CTR9: variants seen among roughly 807,000 people sequenced by gnomAD.
CTR9 encodes RNA polymerase-associated protein CTR9 homolog.
Under a neutral mutation model 152.1 loss-of-function variants are expected in CTR9, and 41 were observed. The observed-to-expected ratio is 0.27, with a 90% CI of 0.21 to 0.35. The LOEUF (loss-of-function observed/expected upper bound fraction) is 0.35, where lower values mean the gene tolerates loss of function less well. Among genes scored for constraint, CTR9 ranks in the 10% least tolerant of loss-of-function variants. The probability of loss-of-function intolerance (pLI) is 1.00; values close to 1 mark genes in which losing one functional copy is unlikely to be tolerated. For synonymous variants in CTR9, 476 were observed against 496.2 expected (o/e 0.96, Z 0.54); for missense variants, 917 against 1,424.4 (o/e 0.64, Z 5.73).
chr11:10,773,541 T>G (rs1863177362), intron 21 of CTR9, among the ~76,000 whole-genome samples: 1 of 151,980 alleles, frequency 6.6e-6, no homozygotes, highest in Admixed American at 6.5e-5. Flanking sequence ...TCGTCTCAAT[T>G]AGAAGTCTAA....
In CTR9 at chr11:10,766,386, T is replaced by C. The variant is rs1448264407; in HGVS notation, c.1598-16T>C. The C allele has an allele frequency of 3.8e-6, 6 of 1,585,344 alleles. No individual in the cohort carries two copies. Among genetic ancestry groups the C allele is most frequent in the African/African-American group, 1.4e-5 (1 of 73,404 alleles). ...GCTAATATTTGGGATATAAAAACTT[T>C]TAAATATGTTTTCAGGCTATTTGCG... On this transcript the variant is annotated splice_polypyrimidine_tract_variant and intron_variant, in intron 12 of 24. Transcript: ENST00000361367.
Position 10,775,533 on chromosome 11 carries a change from C to A in CTR9, c.2995C>A (p.Arg999Ser). Residue 999 changes from arginine to serine, a missense_variant, in exon 24 of 25, where the codon CGT becomes AGT. Physicochemically the swap from Arg to Ser is moderately radical, Grantham distance 110 (BLOSUM62 -1). Transcript: ENST00000361367. ...TGACATTCTTTAGCCCAAGCCAGAA[C>A]GTCTGCCTCCATCAATGAAGGGAAA... Reference protein sequence around the residue: ...AEKKKAPKPERLPPSMKGKIK... With the variant: ...AEKKKAPKPESLPPSMKGKIK... 1.9e-6 allele frequency: 3 copies of A among 1,612,712 alleles called. No individual in the cohort carries two copies. The highest frequency in any genetic ancestry group is 2.5e-6 in the Non-Finnish European group (3 of 1,178,938).
chr11:10,760,154 G>C lies in CTR9; in HGVS notation c.593-19G>C. The C allele has an allele frequency of 6.2e-7, 1 of 1,610,344 alleles. No homozygotes were observed. The highest frequency in any genetic ancestry group is 8.5e-7 in the Non-Finnish European group (1 of 1,177,270). On this transcript the variant is annotated intron_variant, in intron 5 of 24. Transcript: ENST00000361367. ...AAAAAATGCCCTAGTTTGATAGATT[G>C]AATGACTTCATTTTATAGCGGAAGT... is the stretch of plus-strand genomic sequence containing the variant.
chr11:10,768,467 G>A lies in CTR9; in HGVS notation c.2085G>A (p.Lys695=), dbSNP rs143726355. The change falls in exon 16 of 25, where the codon AAG becomes AAA. Residue 695 remains lysine, a synonymous_variant. Coordinates refer to ENST00000361367, the MANE Select transcript of CTR9 (RefSeq NM_014633.5). The part of the protein sequence containing the change: ...LNLAHIYVEQ[K]QYISAVQMYE... ...TAGCACACATCTATGTGGAGCAAAA[G>A]CAGTACATCAGCGCCGTTCAGATGG... 170 of 1,611,938 alleles carry A rather than the reference G, an allele frequency of 1.1e-4. 2 individuals carry two copies. In the South Asian group the frequency reaches 1.5e-3, roughly 14 times the overall value.
At chr11:10,751,737 A>G (rs1269068245) in intron 1 of CTR9, among the ~76,000 whole-genome samples, 1 of 152,082 alleles carries the variant, frequency 6.6e-6, no homozygotes, top group Non-Finnish European at 1.5e-5. Flanking sequence ...TTTCCTAACC[A>G]ACCCACGGGA....
At chr11:10,763,379 A>G (rs1378303220) in intron 7 of CTR9, 52 bp from the exon 8 acceptor site, 4 of 1,210,238 alleles carry the variant, frequency 3.3e-6, no homozygotes, top group African/African-American at 1.5e-5. Context: ...TAAAACAGCT[A>G]TGCAAGCTAG....
rs1240013116 is a variant in CTR9, at chr11:10,770,482, C to T, written c.2227-5C>T. 1.9e-6 allele frequency: 3 copies of T among 1,603,850 alleles called. No individual in the cohort carries two copies. In the East Asian group the frequency reaches 6.7e-5, roughly 36 times the overall value. ...ACATATGAAATATTTATTTTTTATTCACAGGCTAGACATGTGGCACCCAGT... is the reference window on the plus strand; with the variant it reads ...ACATATGAAATATTTATTTTTTATTTACAGGCTAGACATGTGGCACCCAGT... On this transcript the variant is annotated splice_polypyrimidine_tract_variant and splice_region_variant and intron_variant, in intron 17 of 24. Transcript: ENST00000361367.
At position 10,755,743 on chromosome 11, in the gene CTR9, A is replaced by G. The variant is rs760627904; in HGVS notation, c.450A>G (p.Ala150=). 5 of 1,613,572 alleles carry G rather than the reference A, an allele frequency of 3.1e-6. No individual in the cohort carries two copies. The highest frequency in any genetic ancestry group is 4.2e-6 in the Non-Finnish European group (5 of 1,179,752). The part of the protein sequence containing the change: ...LEGDKMDQAD[A]QFHFVLNQSP... The stretch of plus-strand genomic sequence containing the variant: ...GTGACAAAATGGATCAAGCTGATGC[A>G]CAGTTTCATTTTGTACTCAATCAGT... Residue 150 remains alanine, a synonymous_variant, in exon 4 of 25, where the codon GCA becomes GCG. Transcript: ENST00000361367.
At chr11:10,769,927 G>A (rs755496998) in intron 16 of CTR9, among the ~76,000 whole-genome samples, 1 of 152,168 alleles carries the variant, frequency 6.6e-6, no homozygotes, top group Non-Finnish European at 1.5e-5. Context: ...TATGAAAAAG[G>A]CTTTCCAGTC....
At chr11:10,760,976 C>T (rs1415857562) in intron 6 of CTR9, among the ~76,000 whole-genome samples, 1 of 152,156 alleles carries the variant, frequency 6.6e-6, no homozygotes, top group African/African-American at 2.4e-5. Context: ...CTTAGAGAAG[C>T]CCTGTCTTAT....
At position 10,768,071 on chromosome 11, in the gene CTR9, T is replaced by C. The variant is rs559712136; in HGVS notation, c.1873-3T>C. On this transcript the variant is annotated splice_region_variant and splice_polypyrimidine_tract_variant and intron_variant, in intron 14 of 24. Coordinates refer to ENST00000361367, the MANE Select transcript of CTR9 (RefSeq NM_014633.5). ...TCTTTTTTAAGAGCACTTGTTTCTA[T>C]AGGAAAAGCGTCATCAAGATCGTGC... The C allele has an allele frequency of 1.4e-5, 23 of 1,613,936 alleles. No individual in the cohort carries two copies. The South Asian group carries it at 2.5e-4, about 18-fold the overall frequency.
At chr11:10,777,231 G>A (rs1863254306) in intron 24 of CTR9, among the ~76,000 whole-genome samples, 1 of 151,864 alleles carries the variant, frequency 6.6e-6, no homozygotes. Context: ...AATCTATAAA[G>A]AACCAGATTT....
intron 19 of CTR9, 124 bp downstream of exon 19, chr11:10,771,740 T>C (rs547982259): frequency 4.6e-6 from 3 of 656,966 alleles, no homozygotes; most frequent in African/African-American, 3.7e-5. Context: ...CACACTTCTC[T>C]TGGGGACTCT....
intron 18 of CTR9, among the ~76,000 whole-genome samples, chr11:10,771,030 A>G (rs1169766445): frequency 1.3e-5 from 2 of 152,174 alleles, no homozygotes; most frequent in Non-Finnish European, 2.9e-5. Flanking sequence ...TTTTAATGGG[A>G]TGTTGATTTT....
intron 22 of CTR9, 108 bp from the exon 23 acceptor site, chr11:10,775,099 C>T: frequency 1.2e-6 from 1 of 817,400 alleles, no homozygotes; most frequent in Non-Finnish European, 2.0e-6. Flanking sequence ...TTGAGGACAG[C>T]ACCCATATAG....
Position 10,767,073 on chromosome 11 carries a change from G to A in CTR9, c.1686+583G>A, listed in dbSNP as rs1391399419. The A allele has an allele frequency of 6.6e-6, 1 of 152,614 alleles. No homozygotes were observed. Among genetic ancestry groups the A allele is most frequent in the Non-Finnish European group, 1.5e-5 (1 of 68,196 alleles). 9.5% of individuals were successfully genotyped at this position (152,614 alleles called of 1,614,324 possible). On this transcript the variant is annotated intron_variant, in intron 13 of 24. Transcript: ENST00000361367. This position sits in a 1 kb window ranked among gnomAD's most constrained non-coding sequence, Gnocchi z 4.0. Reference sequence around the variant, plus strand: ...TGCATTTACTATGCAGATAACTAAAGACTAACTAAATGGATTTTACAACTT... The same window carrying A: ...TGCATTTACTATGCAGATAACTAAAAACTAACTAAATGGATTTTACAACTT...
intron 23 of CTR9, 51 bp downstream of exon 23, chr11:10,775,354 G>A: frequency 1.3e-6 from 2 of 1,502,354 alleles, no homozygotes; most frequent in African/African-American, 1.4e-5. Context: ...GTGAAAGATT[G>A]CAGTACACTA....
intron 5 of CTR9, among the ~76,000 whole-genome samples, chr11:10,757,794 TA>T (rs1862909710): frequency 6.6e-6 from 1 of 152,006 alleles, no homozygotes; most frequent in African/African-American, 2.4e-5. Context: ...AATAGTAAAG[TA>T]TGTATGATGT....
chr11:10,763,759 A>G lies in CTR9; in HGVS notation c.1074A>G (p.Glu358=). 1 of 1,613,878 alleles carries G rather than the reference A, an allele frequency of 6.2e-7. No homozygotes were observed. Among genetic ancestry groups the G allele is most frequent in the Non-Finnish European group, 8.5e-7 (1 of 1,179,922 alleles). Residue 358 remains glutamate, a synonymous_variant, in exon 9 of 25, where the codon GAA becomes GAG. Transcript: ENST00000361367. ...TGTATATTTATCGAGGTGACAAAGA[A>G]AATGCATCTCAGTGCTTTGAGAAGG... ...GQMYIYRGDK[E]NASQCFEKVL...
Sources: allele counts gnomAD v4.1 joint callset (sites outside exome capture counted in the v4.1 genomes callset), GRCh38; gene constraint gnomAD v4.1.1; non-coding constraint Gnocchi (gnomAD v3.1); transcripts MANE v1.5; gene names NCBI Gene and HGNC (gene_info 2026-07-23, HGNC 2026-07-21).